Variants in ERBB4 observed in about 807,000 individuals in gnomAD.
The protein encoded by ERBB4 is receptor tyrosine-protein kinase erbB-4.
Under a neutral mutation model 158.0 loss-of-function variants are expected in ERBB4, and 42 were observed. The ratio of observed to expected loss-of-function variants is 0.27; its 90% CI spans 0.21 to 0.34. The LOEUF (loss-of-function observed/expected upper bound fraction) is 0.34. Among genes scored for constraint, ERBB4 ranks in the 10% least tolerant of loss-of-function variants. ERBB4 has a pLI of 1.00. For missense variants in ERBB4, 1,333 were observed against 1,624.1 expected (o/e 0.82, Z 3.08); for synonymous variants, 583 against 558.7 (o/e 1.04, Z -0.61).
chr2:211,589,250 C>T (rs1369293404), intron 19 of ERBB4, among the ~76,000 whole-genome samples: 1 of 152,098 alleles, frequency 6.6e-6, no homozygotes, highest in African/African-American at 2.4e-5. Flanking sequence ...ATACACATTC[C>T]TATTCCCTCA....
chr2:212,405,485 T>C (rs1428826234), intron 1 of ERBB4, among the ~76,000 whole-genome samples: 1 of 152,086 alleles, frequency 6.6e-6, no homozygotes, highest in Non-Finnish European at 1.5e-5. Flanking sequence ...CATTACTGGG[T>C]ATATACTCAG....
At chr2:212,483,377 A>G (rs1175961548) in intron 1 of ERBB4, among the ~76,000 whole-genome samples, 1 of 152,202 alleles carries the variant, frequency 6.6e-6, no homozygotes, top group Non-Finnish European at 1.5e-5. Context: ...CCTTTTTACA[A>G]TACTTCTTTT....
chr2:212,004,368 T>G (rs546441658), intron 2 of ERBB4, among the ~76,000 whole-genome samples: 1 of 152,272 alleles, frequency 6.6e-6, no homozygotes, highest in African/African-American at 2.4e-5. Flanking sequence ...GAAATCTCCT[T>G]TTGCTTCTCC....
chr2:211,826,825 A>G (rs2077109636), intron 3 of ERBB4, among the ~76,000 whole-genome samples: 1 of 152,070 alleles, frequency 6.6e-6, no homozygotes, highest in Non-Finnish European at 1.5e-5. Context: ...GCATTTATCA[A>G]AACATTTTAA....
At chr2:212,203,822 T>C (rs1211255930) in intron 1 of ERBB4, among the ~76,000 whole-genome samples, 3 of 152,166 alleles carry the variant, frequency 2.0e-5, no homozygotes, top group Admixed American at 1.3e-4. Context: ...GATAACACCA[T>C]TGCTTTCATC....
At chr2:212,151,313 C>A (rs1042372501) in intron 1 of ERBB4, among the ~76,000 whole-genome samples, 88 of 150,564 alleles carry the variant, frequency 5.8e-4, no homozygotes, top group Non-Finnish European at 9.3e-4. Flanking sequence ...AGGCATATAG[C>A]AATATATAAG....
At chr2:211,930,686 C>G (rs1245641546) in intron 3 of ERBB4, among the ~76,000 whole-genome samples, 1 of 152,256 alleles carries the variant, frequency 6.6e-6, no homozygotes, top group Admixed American at 6.5e-5. Flanking sequence ...TTCAAGCAAA[C>G]AGTAACTGGG....
At chr2:211,607,463 A>C (rs1309466118) in intron 19 of ERBB4, among the ~76,000 whole-genome samples, 1 of 152,186 alleles carries the variant, frequency 6.6e-6, no homozygotes, top group African/African-American at 2.4e-5. Flanking sequence ...GGTTAGATTA[A>C]ATTTGTAAGT....
At chr2:211,855,716 A>C (rs2077839908) in intron 3 of ERBB4, among the ~76,000 whole-genome samples, 1 of 152,148 alleles carries the variant, frequency 6.6e-6, no homozygotes, top group African/African-American at 2.4e-5. Flanking sequence ...GATGAGTCTT[A>C]ATATCCAGTA....
intron 1 of ERBB4, among the ~76,000 whole-genome samples, chr2:212,424,420 C>T (rs1222844962): frequency 1.3e-5 from 2 of 152,016 alleles, no homozygotes; most frequent in Admixed American, 1.3e-4. Context: ...CACATATATC[C>T]ACATATATCC....
intron 1 of ERBB4, among the ~76,000 whole-genome samples, chr2:212,361,284 T>C (rs2089676861): frequency 6.6e-6 from 1 of 151,684 alleles, no homozygotes; most frequent in South Asian, 2.1e-4. Context: ...TCAAACCATA[T>C]GTGCCTCCAT....
At chr2:212,233,410 T>C (rs1325689051) in intron 1 of ERBB4, among the ~76,000 whole-genome samples, 1 of 152,148 alleles carries the variant, frequency 6.6e-6, no homozygotes, top group East Asian at 1.9e-4. Context: ...TTCTAAGTTA[T>C]TTTTCATACT....
intron 12 of ERBB4, among the ~76,000 whole-genome samples, chr2:211,683,499 T>A (rs2072440581): frequency 1.3e-5 from 2 of 152,224 alleles, no homozygotes; most frequent in South Asian, 4.1e-4. Flanking sequence ...TTCATCCAGG[T>A]TGTTGTGTTT....
intron 1 of ERBB4, among the ~76,000 whole-genome samples, chr2:212,521,342 C>T (rs996800020): frequency 2.6e-5 from 4 of 151,698 alleles, no homozygotes; most frequent in African/African-American, 7.3e-5. Context: ...GAGAAAACTG[C>T]CCTTCAGAGA....
intron 1 of ERBB4, among the ~76,000 whole-genome samples, chr2:212,190,289 C>A (rs1574394069): frequency 6.6e-6 from 1 of 152,176 alleles, no homozygotes; most frequent in East Asian, 1.9e-4. Context: ...GTAATCCCAG[C>A]ACTTTGGGAG....
chr2:211,586,124 T>A (rs955944265), intron 19 of ERBB4, among the ~76,000 whole-genome samples: 2 of 152,138 alleles, frequency 1.3e-5, no homozygotes, highest in African/African-American at 4.8e-5. Context: ...AAAATTAAAA[T>A]TCTAAGAAAT....
intron 1 of ERBB4, among the ~76,000 whole-genome samples, chr2:212,498,025 T>C (rs1248657327): frequency 6.6e-6 from 1 of 152,166 alleles, no homozygotes; most frequent in Non-Finnish European, 1.5e-5. Context: ...CTTTTATTGC[T>C]TCCCTAATAT....
intron 20 of ERBB4, among the ~76,000 whole-genome samples, chr2:211,549,138 C>T (rs1053972605): frequency 9.9e-5 from 15 of 152,066 alleles, no homozygotes; most frequent in South Asian, 2.1e-4. Context: ...GGAAAGTTTT[C>T]GTGTTTCTAA....
intron 3 of ERBB4, among the ~76,000 whole-genome samples, chr2:211,811,716 T>C (rs757642122): frequency 6.6e-6 from 1 of 152,208 alleles, no homozygotes; most frequent in African/African-American, 2.4e-5. Context: ...TTCGTTTCTT[T>C]TTACTCTTTT....
Sources: allele counts gnomAD v4.1 joint callset (sites outside exome capture counted in the v4.1 genomes callset), GRCh38; gene constraint gnomAD v4.1.1; transcripts MANE v1.5; gene names NCBI Gene and HGNC (gene_info 2026-07-23, HGNC 2026-07-21).